OSBP2: variants seen among roughly 807,000 people sequenced by gnomAD.
The protein encoded by OSBP2 is oxysterol binding protein 2.
A neutral mutation model predicts 96.0 loss-of-function variants in OSBP2; 66 were observed. The observed-to-expected ratio is 0.69, with a 90% CI of 0.56 to 0.84. The LOEUF is 0.84. Among genes scored for constraint, OSBP2 ranks in the 40% least tolerant of loss-of-function variants. The pLI, the probability that OSBP2 is intolerant of heterozygous loss-of-function variation, is 0.00. For synonymous variants in OSBP2, 525 were observed against 520.9 expected (o/e 1.01, Z -0.11); for missense variants, 1,038 against 1,222.7 (o/e 0.85, Z 2.25).
chr22:30,758,178 G>A (rs765224248), intron 2 of OSBP2, among the ~76,000 whole-genome samples: 10 of 152,142 alleles, frequency 6.6e-5, no homozygotes, highest in Non-Finnish European at 5.9e-5. Flanking sequence ...GAGGCAGGCC[G>A]ATCACTTGAG....
intron 1 of OSBP2, among the ~76,000 whole-genome samples, chr22:30,707,678 C>T (rs2089276667): frequency 1.3e-5 from 2 of 150,116 alleles, no homozygotes; most frequent in South Asian, 2.1e-4. Flanking sequence ...GATCATGCCA[C>T]TGCACTCCAG....
chr22:30,814,196 C>T (rs561722544), intron 2 of OSBP2, among the ~76,000 whole-genome samples: 2 of 152,178 alleles, frequency 1.3e-5, no homozygotes, highest in African/African-American at 4.8e-5. Flanking sequence ...AATGCCACAG[C>T]CTCGGTGGCT....
intron 2 of OSBP2, among the ~76,000 whole-genome samples, chr22:30,802,487 T>G (rs1273689159): frequency 6.6e-6 from 1 of 152,178 alleles, no homozygotes; most frequent in Non-Finnish European, 1.5e-5. Context: ...CCTCCCCTGC[T>G]GGGTCCAGGC....
intron 1 of OSBP2, among the ~76,000 whole-genome samples, chr22:30,740,083 G>A (rs977618343): frequency 6.6e-6 from 1 of 152,170 alleles, no homozygotes; most frequent in African/African-American, 2.4e-5. Flanking sequence ...GACCTCGGGT[G>A]ATCTGCCCAT....
At chr22:30,734,584 G>A (rs2089824175) in intron 1 of OSBP2, among the ~76,000 whole-genome samples, 1 of 152,134 alleles carries the variant, frequency 6.6e-6, no homozygotes, top group East Asian at 1.9e-4. Context: ...TACAACATGA[G>A]CAGGTGCACT....
intron 1 of OSBP2, among the ~76,000 whole-genome samples, chr22:30,720,722 A>C (rs2089534876): frequency 6.6e-6 from 1 of 152,194 alleles, no homozygotes; most frequent in African/African-American, 2.4e-5. Context: ...GATATTTTTT[A>C]ATAAAAGGGT....
intron 12 of OSBP2, 189 bp downstream of exon 12, chr22:30,894,190 A>C: frequency 1.7e-6 from 1 of 596,996 alleles, no homozygotes; most frequent in Non-Finnish European, 3.0e-6. Context: ...AAACTATCAA[A>C]CACTATGCAC....
At chr22:30,710,292 CTGTTTTGTTT>C (rs775486710) in intron 1 of OSBP2, among the ~76,000 whole-genome samples, 1 of 152,166 alleles carries the variant, frequency 6.6e-6, no homozygotes, top group Non-Finnish European at 1.5e-5. Flanking sequence ...TGACTCTTTC[CTGTTTTGTTT>C]TGTTTTGTTT....
At chr22:30,885,518 G>A (rs1462373791) in intron 3 of OSBP2, among the ~76,000 whole-genome samples, 2 of 152,218 alleles carry the variant, frequency 1.3e-5, no homozygotes, top group Non-Finnish European at 1.5e-5. Context: ...CAAGCTTGAA[G>A]GGAAAACCTT....
chr22:30,862,068 G>C (rs1469260678), intron 2 of OSBP2, among the ~76,000 whole-genome samples: 2 of 152,250 alleles, frequency 1.3e-5, no homozygotes, highest in Non-Finnish European at 2.9e-5. Flanking sequence ...AGTGGCTCCT[G>C]TGTGACCCCT....
chr22:30,860,204 C>G (rs1238525524), intron 2 of OSBP2, among the ~76,000 whole-genome samples: 1 of 152,264 alleles, frequency 6.6e-6, no homozygotes, highest in East Asian at 1.9e-4. Context: ...AGTTACCAGT[C>G]AGTCCCATCG....
At chr22:30,903,156 TTTTAC>T (rs778223249) in intron 12 of OSBP2, among the ~76,000 whole-genome samples, 3 of 152,164 alleles carry the variant, frequency 2.0e-5, no homozygotes, top group Non-Finnish European at 4.4e-5. Context: ...TGCTTTCTCT[TTTTAC>T]TTTAGACATT....
intron 2 of OSBP2, among the ~76,000 whole-genome samples, chr22:30,748,284 C>T (rs371793605): frequency 3.3e-5 from 5 of 151,940 alleles, no homozygotes; most frequent in South Asian, 4.2e-4. Context: ...CTCCTGAGGC[C>T]GGTCTTGAAC....
intron 1 of OSBP2, among the ~76,000 whole-genome samples, chr22:30,728,439 A>C (rs1328782402): frequency 6.6e-6 from 1 of 151,574 alleles, no homozygotes; most frequent in African/African-American, 2.4e-5. Flanking sequence ...GCAGTAGTGC[A>C]CGGCTGTTTT....
At chr22:30,696,537 T>C (rs753783432) in intron 1 of OSBP2, among the ~76,000 whole-genome samples, 5 of 152,210 alleles carry the variant, frequency 3.3e-5, no homozygotes, top group African/African-American at 2.4e-5. Flanking sequence ...TGAGAAGCAC[T>C]GTTTCATTGC....
In OSBP2 at chr22:30,695,236, G is replaced by C; in HGVS notation, c.327G>C (p.Glu109Asp). 1 of 1,613,550 alleles carries C rather than the reference G, an allele frequency of 6.2e-7. No individual in the cohort carries two copies. Among genetic ancestry groups the C allele is most frequent in the Non-Finnish European group, 8.5e-7 (1 of 1,179,922 alleles). Reference sequence around the variant, plus strand: ...TGCAGGGGTCGCGGCCGGGGTCAGAGTCAAGCTCAGGTGTAGGGGCTGGGC... The same window carrying C: ...TGCAGGGGTCGCGGCCGGGGTCAGACTCAAGCTCAGGTGTAGGGGCTGGGC... Reference protein sequence around the residue: ...ELLQGSRPGSESSSGVGAGPF... With the variant: ...ELLQGSRPGSDSSSGVGAGPF... Residue 109 changes from glutamate to aspartate, a missense_variant, in exon 1 of 14, where the codon GAG (glutamate) becomes GAC (aspartate). By Grantham distance (45) the Glu-to-Asp change is conservative. Coordinates refer to ENST00000332585, the MANE Select transcript of OSBP2 (RefSeq NM_030758.4).
chr22:30,905,856 T>C lies in OSBP2; in HGVS notation c.2395T>C (p.Tyr799His). Residue 799 changes from tyrosine to histidine, a missense_variant, in exon 13 of 14, where the codon TAC becomes CAC. Tyr to His is a moderately conservative substitution (Grantham distance 83). Around this residue, in one of 3 missense-constraint regions of OSBP2, gnomAD observed 737 missense variants for 913.3 expected, o/e 0.81. Transcript: ENST00000332585. ...CCACAGGGAGAACGCGGAGAACATG[T>C]ACTACTTCTCAGAGCTGGCCCTGAC... ...YPLPENAENM[Y>H]YFSELALTLN... 6.2e-7 allele frequency: 1 copy of C among 1,613,310 alleles called. No homozygotes were observed. Among genetic ancestry groups the C allele is most frequent in the East Asian group, 2.2e-5 (1 of 44,848 alleles).
rs138753388 is a variant in OSBP2, at chr22:30,706,740, C to A, written c.644+11187C>A. On this transcript the variant is annotated intron_variant, in intron 1 of 13. Coordinates refer to ENST00000332585, the MANE Select transcript of OSBP2 (RefSeq NM_030758.4). The stretch of plus-strand genomic sequence containing the variant: ...CTTCTAACAAACTTGCCTTACTCCC[C>A]CTTTGCAAGCCACATGTGTTTCATT... 1.7e-3 allele frequency among the ~76,000 whole-genome samples: 258 copies of A among 152,250 alleles called. 1 individual carries two copies. Among genetic ancestry groups the A allele is most frequent in the African/African-American group, 5.7e-3 (237 of 41,526 alleles).
At chr22:30,796,568 C>T (rs957312691) in intron 2 of OSBP2, among the ~76,000 whole-genome samples, 2 of 152,024 alleles carry the variant, frequency 1.3e-5, no homozygotes, top group African/African-American at 2.4e-5. Flanking sequence ...TGCAGTGATA[C>T]GATCTCAGTT....
Sources: gnomAD v4.1 joint callset for allele counts (sites outside exome capture counted in the v4.1 genomes callset) on GRCh38, gnomAD v4.1.1 for gene constraint, gnomAD v4.1.1 regional missense constraint, MANE v1.5 for transcripts, NCBI Gene and HGNC (gene_info 2026-07-23, HGNC 2026-07-21) for gene names.